Variants in PDE11A observed in about 807,000 individuals in gnomAD.
PDE11A encodes the protein phosphodiesterase 11A, also known as dual 3',5'-cyclic-AMP and -GMP phosphodiesterase 11A.
Under a neutral mutation model 100.5 loss-of-function variants are expected in PDE11A, and 100 were observed. The observed-to-expected ratio is 1.00, with a 90% CI of 0.85 to 1.18. The LOEUF (loss-of-function observed/expected upper bound fraction) is 1.18. Among genes scored for constraint, PDE11A ranks in the 50% most tolerant of loss-of-function variants. The pLI is 0.00. For missense variants in PDE11A, 1,141 were observed against 1,152.6 expected (o/e 0.99, Z 0.15); for synonymous variants, 381 against 420.8 (o/e 0.91, Z 1.16).
At chr2:177,770,939 A>T (rs2082302811) in intron 9 of PDE11A, among the ~76,000 whole-genome samples, 1 of 152,000 alleles carries the variant, frequency 6.6e-6, no homozygotes, top group African/African-American at 2.4e-5. Flanking sequence ...CGATTCTCTC[A>T]CCTCAGCATC....
intron 1 of PDE11A, among the ~76,000 whole-genome samples, chr2:178,061,819 TC>T (rs2086973106): frequency 6.6e-6 from 1 of 152,232 alleles, no homozygotes; most frequent in Non-Finnish European, 1.5e-5. Flanking sequence ...TGATCCTGAT[TC>T]TTTTTAGGCT....
chr2:177,838,164 A>T (rs1277977279), intron 6 of PDE11A, among the ~76,000 whole-genome samples: 1 of 152,186 alleles, frequency 6.6e-6, no homozygotes, highest in Non-Finnish European at 1.5e-5. Context: ...CAGAAATTAG[A>T]GGCAGGTAGA....
Position 177,791,537 on chromosome 2 carries a change from A to AG in PDE11A, c.1738-22165_1738-22164insC, listed in dbSNP as rs1455576829. Among the ~76,000 whole-genome samples, 969 of 147,436 alleles carry AG rather than the reference A, an allele frequency of 6.6e-3. 15 individuals are homozygous for AG. Among genetic ancestry groups the AG allele is most frequent in the African/African-American group, 0.022 (911 of 40,768 alleles). ...ATGTACCCTAAAACTTAAAGTATAA[A>AG]AAAAAAAAAAAAGAATAGTGTTTAA... On this transcript the variant is annotated intron_variant, in intron 9 of 19. Transcript: ENST00000286063.
rs11357476 is a variant in PDE11A at position 178,032,483 on chromosome 2, C to CA, written c.913-18024dup. Among the ~76,000 whole-genome samples, 385 of 128,324 alleles carry CA rather than the reference C, an allele frequency of 3.0e-3. 1 individual carries two copies. The highest frequency in any genetic ancestry group is 3.9e-3 in the Middle Eastern group (1 of 256). 84.2% of individuals were successfully genotyped at this position (128,324 alleles called of 152,430 possible). A position where few individuals can be genotyped will look rare whatever the true frequency, so the allele number is the denominator to read the frequency against. On this transcript the variant is annotated intron_variant, in intron 1 of 19. Transcript: ENST00000286063. Reference sequence around the variant, plus strand: ...TGGGCAACAGAGCGAGACCCCATCTCAAAAAAAAAAAAAAAGGACTTGGGT... The same window carrying CA: ...TGGGCAACAGAGCGAGACCCCATCTCAAAAAAAAAAAAAAAAGGACTTGGGT...
At chr2:177,859,201 C>G (rs1477792618) in intron 5 of PDE11A, among the ~76,000 whole-genome samples, 1 of 151,642 alleles carries the variant, frequency 6.6e-6, no homozygotes, top group Non-Finnish European at 1.5e-5. Context: ...ACATATGTAA[C>G]AAACCTGCAT....
intron 19 of PDE11A, among the ~76,000 whole-genome samples, chr2:177,632,114 T>C (rs565474840): frequency 2.0e-5 from 3 of 152,238 alleles, no homozygotes; most frequent in Admixed American, 1.3e-4. Context: ...GCCTGCCATA[T>C]AGAATGAAGA....
chr2:178,030,613 C>CA (rs1171712816), intron 1 of PDE11A, among the ~76,000 whole-genome samples: 1 of 150,588 alleles, frequency 6.6e-6, no homozygotes, highest in Non-Finnish European at 1.5e-5. Flanking sequence ...TAGTGGCTCA[C>CA]ACCTGTAATC....
intron 5 of PDE11A, 81 bp from the exon 6 acceptor site, chr2:177,840,464 T>C: frequency 8.3e-7 from 1 of 1,200,678 alleles, no homozygotes; most frequent in East Asian, 2.3e-5. Flanking sequence ...ACTACACTAA[T>C]ATCAGGATAA....
Position 178,055,411 on chromosome 2 carries a change from C to G in PDE11A, c.912+16115G>C, listed in dbSNP as rs533692119. ...ATACCTAATGTAAATGACGAATTAA[C>G]GGGTGCAGCACACCAACGTGGCACA... On this transcript the variant is annotated intron_variant, in intron 1 of 19. Transcript: ENST00000286063. Among the ~76,000 whole-genome samples, 467 of 152,122 alleles carry G rather than the reference C, an allele frequency of 3.1e-3. 3 individuals carry two copies. Among genetic ancestry groups the G allele is most frequent in the African/African-American group, 0.011 (437 of 41,502 alleles).
chr2:178,097,188 C>A (rs2087503990), intron 2 of PDE11A, among the ~76,000 whole-genome samples: 1 of 152,146 alleles, frequency 6.6e-6, no homozygotes, highest in Admixed American at 6.5e-5. Context: ...GCTCGGCCAT[C>A]TCTTACACAT....
chr2:178,105,857 C>A, intron 1 of PDE11A: 1 of 267,426 alleles, frequency 3.7e-6, no homozygotes, highest in African/African-American at 3.5e-5. Context: ...CGGTTTCTGT[C>A]CAAAAAAAAA....
chr2:177,727,657 C>A lies in PDE11A; in HGVS notation c.2043+1G>T, dbSNP rs532603598. Reference sequence around the variant, plus strand: ...CTTCCACCATCACTAAGCACACTTACGGTTAACATCGCGAACATCAGCTGA... The same window carrying A: ...CTTCCACCATCACTAAGCACACTTAAGGTTAACATCGCGAACATCAGCTGA... On this transcript the variant is annotated splice_donor_variant, in intron 12 of 19. Coordinates refer to ENST00000286063, the MANE Select transcript of PDE11A (RefSeq NM_016953.4). LOFTEE classifies it high-confidence loss of function. 1 of 1,538,820 alleles carries A rather than the reference C, an allele frequency of 6.5e-7. No homozygotes were observed. Among genetic ancestry groups the A allele is most frequent in the Non-Finnish European group, 9.0e-7 (1 of 1,111,356 alleles).
intron 9 of PDE11A, among the ~76,000 whole-genome samples, chr2:177,801,320 C>G (rs940152256): frequency 5.3e-5 from 8 of 152,052 alleles, no homozygotes; most frequent in African/African-American, 1.4e-4. Flanking sequence ...GCCTGTCTTA[C>G]TAGAATATAA....
chr2:177,662,998 C>T (rs185866532), intron 19 of PDE11A, among the ~76,000 whole-genome samples: 83 of 152,288 alleles, frequency 5.5e-4, no homozygotes, highest in African/African-American at 1.9e-3. Flanking sequence ...AGAGCTTTTG[C>T]TTTCCCTGCA....
At chr2:178,084,097 T>G (rs1221467389) in intron 2 of PDE11A, among the ~76,000 whole-genome samples, 6 of 152,230 alleles carry the variant, frequency 3.9e-5, no homozygotes, top group Non-Finnish European at 2.9e-5. Context: ...GAAATTTGCT[T>G]TCTTTACTCA....
intron 9 of PDE11A, among the ~76,000 whole-genome samples, chr2:177,788,018 C>T (rs2082566212): frequency 6.6e-6 from 1 of 151,968 alleles, no homozygotes; most frequent in Non-Finnish European, 1.5e-5. Context: ...GAATTGAACT[C>T]AGCTCTGCAC....
At chr2:177,721,323 T>G (rs1415551552) in intron 12 of PDE11A, among the ~76,000 whole-genome samples, 2 of 152,180 alleles carry the variant, frequency 1.3e-5, no homozygotes, top group Non-Finnish European at 2.9e-5. Flanking sequence ...AAAGCAAACC[T>G]CTGGTATCTG....
intron 2 of PDE11A, among the ~76,000 whole-genome samples, chr2:177,933,435 C>T (rs2105765557): frequency 6.6e-6 from 1 of 152,236 alleles, no homozygotes; most frequent in South Asian, 2.1e-4. Flanking sequence ...AATCCCAGCA[C>T]TTTGGGAGGC....
At chr2:177,800,898 C>T (rs1353287881) in intron 9 of PDE11A, among the ~76,000 whole-genome samples, 1 of 152,222 alleles carries the variant, frequency 6.6e-6, no homozygotes, top group African/African-American at 2.4e-5. Context: ...CACAAAAGAG[C>T]TCAGGGGCAA....
Sources: allele counts gnomAD v4.1 joint callset (sites outside exome capture counted in the v4.1 genomes callset), GRCh38; gene constraint gnomAD v4.1.1; transcripts MANE v1.5; gene names NCBI Gene and HGNC (gene_info 2026-07-23, HGNC 2026-07-21).